Variants in MPPED2 observed in about 807,000 individuals in gnomAD.
MPPED2 encodes metallophosphoesterase MPPED2.
Under a neutral mutation model 33.0 loss-of-function variants are expected in MPPED2, and 5 were observed. That is an observed-to-expected ratio of 0.15 (90% CI 0.08 to 0.32). MPPED2 has a LOEUF of 0.32. Ranked by LOEUF, MPPED2 falls within the 10% of genes least tolerant of loss-of-function variation. The probability of loss-of-function intolerance (pLI) is 1.00; values close to 1 mark genes in which losing one functional copy is unlikely to be tolerated. For missense variants in MPPED2, 275 were observed against 372.1 expected, an observed-to-expected ratio of 0.74 and a Z score of 2.15; for synonymous variants, 136 against 141.9, an observed-to-expected ratio of 0.96 and a Z score of 0.29.
At chr11:30,474,362 A>G (rs2134080189) in intron 4 of MPPED2, among the ~76,000 whole-genome samples, 1 of 152,278 alleles carries the variant, frequency 6.6e-6, no homozygotes, top group East Asian at 1.9e-4. Flanking sequence ...TCATGTGTTT[A>G]TCTTTGAGAG....
intron 2 of MPPED2, among the ~76,000 whole-genome samples, chr11:30,567,455 A>G (rs1956494826): frequency 6.6e-6 from 1 of 152,016 alleles, no homozygotes; most frequent in Admixed American, 6.6e-5. Context: ...AAAGTGTTAA[A>G]TCCTTTTTCC....
At chr11:30,527,767 C>T (rs1386777872) in intron 3 of MPPED2, among the ~76,000 whole-genome samples, 2 of 152,180 alleles carry the variant, frequency 1.3e-5, no homozygotes, top group African/African-American at 4.8e-5. Context: ...ACACAAGAGA[C>T]TTCAGGGCCA....
rs1462356232 is a variant in MPPED2 at position 30,549,416 on chromosome 11, C to A, written c.129-13241G>T. Among the ~76,000 whole-genome samples the A allele has an allele frequency of 2.6e-5, 4 of 152,294 alleles. No homozygotes were observed. The East Asian group carries it at 7.7e-4, about 29-fold the overall frequency. On this transcript the variant is annotated intron_variant, in intron 2 of 6. Transcript: ENST00000358117. ...AAGTTTACTAGAAACTCTTAATGCA[C>A]CATGTTTGCATAATCCCATCTGTTT...
intron 4 of MPPED2, among the ~76,000 whole-genome samples, chr11:30,449,826 C>T (rs983015086): frequency 1.3e-5 from 2 of 152,160 alleles, no homozygotes; most frequent in African/African-American, 4.8e-5. Flanking sequence ...TCTGCTTAAA[C>T]AGACCTTACT....
chr11:30,515,503 C>G (rs753684314), intron 3 of MPPED2, among the ~76,000 whole-genome samples: 1 of 152,156 alleles, frequency 6.6e-6, no homozygotes, highest in Non-Finnish European at 1.5e-5. Context: ...CTAGAGAAAA[C>G]TGAGCTGCCC....
chr11:30,497,588 G>T (rs1952335636), intron 3 of MPPED2, among the ~76,000 whole-genome samples: 1 of 152,186 alleles, frequency 6.6e-6, no homozygotes, highest in Non-Finnish European at 1.5e-5. Context: ...CTTGCAGGAA[G>T]CCTGGGTTTC....
chr11:30,503,030 C>T (rs1418979273), intron 3 of MPPED2, among the ~76,000 whole-genome samples: 1 of 152,118 alleles, frequency 6.6e-6, no homozygotes, highest in Non-Finnish European at 1.5e-5. Flanking sequence ...GGCTGTGTCC[C>T]CATCCAAATC....
At chr11:30,415,898 C>T (rs1020246517) in intron 5 of MPPED2, among the ~76,000 whole-genome samples, 9 of 152,202 alleles carry the variant, frequency 5.9e-5, no homozygotes, top group Non-Finnish European at 1.2e-4. Context: ...ATGTCCAAGT[C>T]CCTTGAAATA....
intron 3 of MPPED2, among the ~76,000 whole-genome samples, chr11:30,502,816 G>A (rs537267667): frequency 3.3e-5 from 5 of 152,226 alleles, no homozygotes; most frequent in African/African-American, 9.6e-5. Flanking sequence ...CTGGCCAAAC[G>A]TGATCTCCTC....
At chr11:30,463,163 T>C (rs1022855217) in intron 4 of MPPED2, among the ~76,000 whole-genome samples, 3 of 152,228 alleles carry the variant, frequency 2.0e-5, no homozygotes, top group Non-Finnish European at 2.9e-5. Context: ...TTTTCTCGGC[T>C]ATCCACTCAG....
At chr11:30,506,960 C>T (rs1952856294) in intron 3 of MPPED2, among the ~76,000 whole-genome samples, 1 of 152,166 alleles carries the variant, frequency 6.6e-6, no homozygotes, top group Non-Finnish European at 1.5e-5. Flanking sequence ...TGAAAATGGT[C>T]TTCCAGAACT....
intron 2 of MPPED2, among the ~76,000 whole-genome samples, chr11:30,545,055 G>A (rs1436226037): frequency 6.6e-6 from 1 of 152,196 alleles, no homozygotes; most frequent in East Asian, 1.9e-4. Context: ...ATGAAGGTGA[G>A]CAGAAGAAGA....
Position 30,410,560 on chromosome 11 carries a change from A to T in MPPED2, c.*908T>A, listed in dbSNP as rs1948067092. The T allele has an allele frequency of 1.0e-6, 1 of 985,716 alleles. No individual in the cohort carries two copies. Among genetic ancestry groups the T allele is most frequent in the Non-Finnish European group, 1.2e-6 (1 of 829,920 alleles). The allele number at this position is 985,716 out of a possible 1,614,324, so 61.1% of individuals were successfully genotyped here. A position where few individuals can be genotyped will look rare whatever the true frequency, so the allele number is the denominator to read the frequency against. ...TATACATGCCTGTAACTGTACCTAG[A>T]TTTAACTCAAGCTCTTTAAGACCTT... On this transcript the variant is annotated 3_prime_UTR_variant, in exon 7 of 7. Coordinates refer to ENST00000358117, the MANE Select transcript of MPPED2 (RefSeq NM_001584.3).
rs901837193 is a variant in MPPED2 at position 30,566,015 on chromosome 11, A to G, written c.128+14231T>C. 4.6e-5 allele frequency among the ~76,000 whole-genome samples: 7 copies of G among 151,998 alleles called. No individual in the cohort carries two copies. In the East Asian group the frequency reaches 7.7e-4, roughly 17 times the overall value. On this transcript the variant is annotated intron_variant, in intron 2 of 6. Transcript: ENST00000358117. ...TCTGTAAAAATTTTAAGAGTTTACTATTAAAAAAAAAATGTAGAGTTGTTA... is the reference window on the plus strand; with the variant it reads ...TCTGTAAAAATTTTAAGAGTTTACTGTTAAAAAAAAAATGTAGAGTTGTTA...
intron 4 of MPPED2, among the ~76,000 whole-genome samples, chr11:30,422,872 C>A (rs959979003): frequency 6.6e-6 from 1 of 152,080 alleles, no homozygotes; most frequent in Non-Finnish European, 1.5e-5. Context: ...CTGCCTGAAG[C>A]CACTGGACCA....
At chr11:30,568,995 CT>C (rs1336503526) in intron 2 of MPPED2, among the ~76,000 whole-genome samples, 1 of 152,142 alleles carries the variant, frequency 6.6e-6, no homozygotes, top group Non-Finnish European at 1.5e-5. Flanking sequence ...AAAACATTCC[CT>C]TTTTTCTCAA....
rs1453123638 is a variant in MPPED2 at position 30,440,922 on chromosome 11, CG to C, written c.537-23290del. Among the ~76,000 whole-genome samples, 3 of 152,314 alleles carry C rather than the reference CG, an allele frequency of 2.0e-5. No homozygotes were observed. In the East Asian group the frequency reaches 5.8e-4, roughly 29 times the overall value. On this transcript the variant is annotated intron_variant, in intron 4 of 6. Coordinates refer to ENST00000358117, the MANE Select transcript of MPPED2 (RefSeq NM_001584.3). The stretch of plus-strand genomic sequence containing the variant: ...ATCGTAATATGTCTGGGCTTAAAAA[CG>C]GGTGCTTTGCTCAAACATATATGTG...
At chr11:30,467,303 G>A (rs1170795279) in intron 4 of MPPED2, among the ~76,000 whole-genome samples, 1 of 152,146 alleles carries the variant, frequency 6.6e-6, no homozygotes, top group Non-Finnish European at 1.5e-5. Context: ...GAATGAAAAG[G>A]GAGGGATTGT....
intron 3 of MPPED2, among the ~76,000 whole-genome samples, chr11:30,509,605 G>A (rs989120800): frequency 6.6e-6 from 1 of 152,164 alleles, no homozygotes; most frequent in East Asian, 1.9e-4. Context: ...CAGGACACGT[G>A]TGTGCATCTT....
Sources: allele counts gnomAD v4.1 joint callset (sites outside exome capture counted in the v4.1 genomes callset), GRCh38; gene constraint gnomAD v4.1.1; transcripts MANE v1.5; gene names NCBI Gene and HGNC (gene_info 2026-07-23, HGNC 2026-07-21).